SATB1: variants seen among roughly 807,000 people sequenced by gnomAD.
SATB1 encodes the protein SATB homeobox 1, also known as DNA-binding protein SATB1.
Under a neutral mutation model 86.9 loss-of-function variants are expected in SATB1, and 11 were observed. That is an observed-to-expected ratio of 0.13 (90% confidence interval 0.08 to 0.21). The LOEUF is 0.21. SATB1 is among the 10% of genes least tolerant of loss of function. The pLI is 1.00. For missense variants in SATB1, 551 were observed against 937.6 expected (o/e 0.59, Z 5.39); for synonymous variants, 357 against 357.2 (o/e 1.00, Z 0.01).
chr3:18,421,045 T>C lies in SATB1; in HGVS notation c.-24-54A>G, dbSNP rs1698373928. 7.4e-6 allele frequency: 9 copies of C among 1,220,064 alleles called. No individual in the cohort carries two copies. In the East Asian group the frequency reaches 2.1e-4, roughly 28 times the overall value. The allele number at this position is 1,220,064 out of a possible 1,614,324, so 75.6% of individuals were successfully genotyped here. A position where few individuals can be genotyped will look rare whatever the true frequency, so the allele number is the denominator to read the frequency against. The stretch of plus-strand genomic sequence containing the variant: ...ATAGTTGGGCGGGGACCTACGTGTA[T>C]ATATGTGTCCTATGTAAATGTTTTA... On this transcript the variant is annotated intron_variant, in intron 1 of 10. Coordinates refer to ENST00000338745, the MANE Select transcript of SATB1 (RefSeq NM_002971.6).
At chr3:18,445,437 C>G in intron 1 of SATB1, 5 of 985,176 alleles carry the variant, frequency 5.1e-6, no homozygotes, top group Non-Finnish European at 6.0e-6. Flanking sequence ...CCCTCAGCCT[C>G]GAGGGGTAAG....
At position 18,347,226 on chromosome 3, in the gene SATB1, C is replaced by T. The variant is rs1438933863; in HGVS notation, c.*1944G>A. The T allele has an allele frequency of 2.6e-5, 4 of 152,054 alleles. No individual in the cohort carries two copies. Among genetic ancestry groups the T allele is most frequent in the Non-Finnish European group, 5.9e-5 (4 of 68,002 alleles). The allele number at this position is 152,054 out of a possible 1,614,324, so 9.4% of individuals were successfully genotyped here. ...ATTGCAAAATGGTATCTCAAGCAAC[C>T]CAGATACCCCTACTAGCATCTAGGA... On this transcript the variant is annotated 3_prime_UTR_variant, in exon 11 of 11. Transcript: ENST00000338745.
At chr3:18,415,813 G>A (rs111834541) in intron 4 of SATB1, among the ~76,000 whole-genome samples, 194 bp downstream of exon 4, 2 of 151,622 alleles carry the variant, frequency 1.3e-5, no homozygotes, top group African/African-American at 4.8e-5. Context: ...GTGTGTGTGG[G>A]GGGGGGGATT....
chr3:18,420,911 A>G lies in SATB1; in HGVS notation c.57T>C (p.Asn19=), dbSNP rs1322138194. 4 of 1,614,172 alleles carry G rather than the reference A, an allele frequency of 2.5e-6. No homozygotes were observed. The highest frequency in any genetic ancestry group is 2.2e-5 in the East Asian group (1 of 44,884). The change falls in exon 2 of 11, where the codon AAT becomes AAC. Residue 19 remains asparagine, a synonymous_variant. Coordinates refer to ENST00000338745, the MANE Select transcript of SATB1 (RefSeq NM_002971.6). The part of the protein sequence containing the change: ...QGKEHSEMSN[N]VSDPKGPPAK... Reference sequence around the variant, plus strand: ...CTGGTGGACCCTTCGGATCACTCACATTGTTAGACATTTCTGAATGTTCTT... The same window carrying G: ...CTGGTGGACCCTTCGGATCACTCACGTTGTTAGACATTTCTGAATGTTCTT...
intron 9 of SATB1, among the ~76,000 whole-genome samples, chr3:18,365,003 G>A (rs983862239): frequency 9.2e-5 from 14 of 152,036 alleles, no homozygotes; most frequent in African/African-American, 3.1e-4. Context: ...GGGTTAAGGG[G>A]TTGATGAGAA....
chr3:18,369,534 C>T (rs1695353713), intron 9 of SATB1, among the ~76,000 whole-genome samples: 1 of 151,802 alleles, frequency 6.6e-6, no homozygotes, highest in Non-Finnish European at 1.5e-5. Context: ...ACATACATAC[C>T]CCAACCCTTA....
chr3:18,440,440 T>C (rs1699211109), upstream of SATB1, among the ~76,000 whole-genome samples: 1 of 152,142 alleles, frequency 6.6e-6, no homozygotes, highest in Non-Finnish European at 1.5e-5. Flanking sequence ...CAGGTAGATA[T>C]TAAAATGGAG....
chr3:18,436,719 T>C (rs1273834949), intron 2 of SATB1: 1 of 152,242 alleles, frequency 6.6e-6, no homozygotes, highest in Non-Finnish European at 1.5e-5. Flanking sequence ...ATGCTAACTA[T>C]GAACTTTCTG....
At chr3:18,388,004 CT>C (rs1009745597) in intron 7 of SATB1, among the ~76,000 whole-genome samples, 3 of 152,186 alleles carry the variant, frequency 2.0e-5, no homozygotes, top group African/African-American at 4.8e-5. Flanking sequence ...TTAAAAAGAA[CT>C]TTTAACAGGT....
At position 18,379,870 on chromosome 3, in the gene SATB1, G is replaced by A. The variant is rs114915302; in HGVS notation, c.1420-1545C>T. ...GGTGACCAAAGGTGGGGCCTCATCC[G>A]CCTCCTCTCCAGAGTTCCCCTTCTA... is the stretch of plus-strand genomic sequence containing the variant. On this transcript the variant is annotated intron_variant, in intron 8 of 10. Transcript: ENST00000338745. Among the ~76,000 whole-genome samples, 998 of 152,268 alleles carry A rather than the reference G, an allele frequency of 6.6e-3. 8 individuals carry two copies. The highest frequency in any genetic ancestry group is 0.023 in the African/African-American group (952 of 41,536).
intron 9 of SATB1, among the ~76,000 whole-genome samples, chr3:18,362,260 A>T (rs1694938129): frequency 6.6e-6 from 1 of 152,076 alleles, no homozygotes; most frequent in Admixed American, 6.6e-5. Flanking sequence ...TTTATCACAA[A>T]CAAATGTGAA....
At position 18,410,813 on chromosome 3, in the gene SATB1, A is replaced by AT. The variant is rs1491165043; in HGVS notation, c.639+4297_639+4298insA. 10 of 344,266 alleles carry AT rather than the reference A, an allele frequency of 2.9e-5. No individual in the cohort carries two copies. The South Asian group carries it at 9.2e-4, about 32-fold the overall frequency. 21.3% of individuals were successfully genotyped at this position (344,266 alleles called of 1,614,324 possible). ...CAGTCCAAAAACTGTGAAATAAAGT[A>AT]CAGTTTATTAAAAACACATTTGTAT... On this transcript the variant is annotated intron_variant, in intron 5 of 10. Coordinates refer to ENST00000338745, the MANE Select transcript of SATB1 (RefSeq NM_002971.6).
rs1199414289 is a variant in SATB1 at position 18,416,895 on chromosome 3, T to C, written c.388+7A>G. Reference sequence around the variant, plus strand: ...AATTTTTCCAACCCCACGTACACATTATTTACCTTTGGCCTGGGCAGCAGA... The same window carrying C: ...AATTTTTCCAACCCCACGTACACATCATTTACCTTTGGCCTGGGCAGCAGA... On this transcript the variant is annotated splice_region_variant and intron_variant, in intron 3 of 10. Transcript: ENST00000338745. The C allele has an allele frequency of 1.9e-5, 30 of 1,597,372 alleles. No homozygotes were observed. Among genetic ancestry groups the C allele is most frequent in the Non-Finnish European group, 2.4e-5 (28 of 1,173,412 alleles).
chr3:18,425,944 G>A (rs1363487988), upstream of SATB1, among the ~76,000 whole-genome samples: 2 of 152,090 alleles, frequency 1.3e-5, no homozygotes, highest in South Asian at 2.1e-4. Context: ...CCACAAAAAG[G>A]AGTACGCCTG....
chr3:18,403,937 T>C (rs1266920323), intron 5 of SATB1, among the ~76,000 whole-genome samples: 1 of 152,082 alleles, frequency 6.6e-6, no homozygotes, highest in Non-Finnish European at 1.5e-5. Context: ...GGCCTGATTT[T>C]TTACAGCAGC....
At chr3:18,426,518 C>T (rs947322660), upstream of SATB1, among the ~76,000 whole-genome samples, 6 of 152,154 alleles carry the variant, frequency 3.9e-5, no homozygotes, top group Non-Finnish European at 8.8e-5. This position sits in a 1 kb window ranked among gnomAD's most constrained non-coding sequence, Gnocchi z 4.2. Flanking sequence ...GTCATTACCA[C>T]ATAAGTATGA....
chr3:18,346,883 C>T lies in SATB1; in HGVS notation c.*2287G>A, dbSNP rs1352738727. The stretch of plus-strand genomic sequence containing the variant: ...TTCCTATTTTTTAAATACATGAAAC[C>T]TAGTTTCTATTTTCTTAATTCAAAT... On this transcript the variant is annotated 3_prime_UTR_variant, in exon 11 of 11. Transcript: ENST00000338745. 1 of 151,836 alleles carries T rather than the reference C, an allele frequency of 6.6e-6. No homozygotes were observed. Among genetic ancestry groups the T allele is most frequent in the African/African-American group, 2.4e-5 (1 of 41,312 alleles). The allele number at this position is 151,836 out of a possible 1,614,324, so 9.4% of individuals were successfully genotyped here. A position where few individuals can be genotyped will look rare whatever the true frequency, so the allele number is the denominator to read the frequency against.
At chr3:18,410,140 T>C (rs2125147061) in intron 5 of SATB1, among the ~76,000 whole-genome samples, 1 of 152,112 alleles carries the variant, frequency 6.6e-6, no homozygotes, top group East Asian at 1.9e-4. Context: ...ATGACAGCAA[T>C]GTACTTTTAA....
intron 5 of SATB1, among the ~76,000 whole-genome samples, chr3:18,413,194 T>C (rs908872568): frequency 1.2e-4 from 19 of 152,250 alleles, no homozygotes; most frequent in Admixed American, 3.9e-4. Context: ...TTCTACTTAA[T>C]GTTATAATTG....
Sources: allele counts gnomAD v4.1 joint callset (sites outside exome capture counted in the v4.1 genomes callset), GRCh38; gene constraint gnomAD v4.1.1; non-coding constraint Gnocchi (gnomAD v3.1); transcripts MANE v1.5; gene names NCBI Gene and HGNC (gene_info 2026-07-23, HGNC 2026-07-21).